The following ENOX1 variants were observed in gnomAD, a reference collection of about 807,000 sequenced individuals.
ENOX1 encodes the protein candidate growth-related and time keeping constitutive hydroquinone (NADH) oxidase.
ENOX1 carries 42 observed loss-of-function variants against 82.5 expected under a neutral mutation model. That is an observed-to-expected ratio of 0.51 (90% CI 0.40 to 0.66). The LOEUF (loss-of-function observed/expected upper bound fraction) is 0.66, where lower values mean the gene tolerates loss of function less well. ENOX1 is among the 30% of genes least tolerant of loss of function. The pLI is 0.00. For missense variants in ENOX1, 608 were observed against 811.6 expected (o/e 0.75, Z 3.05); for synonymous variants, 271 against 282.2 (o/e 0.96, Z 0.40).
intron 2 of ENOX1, among the ~76,000 whole-genome samples, chr13:43,567,994 T>C (rs1057084248): frequency 6.6e-6 from 1 of 152,226 alleles, no homozygotes; most frequent in Non-Finnish European, 1.5e-5. Context: ...CATTTATAGA[T>C]GTTTACTTTG....
intron 5 of ENOX1, among the ~76,000 whole-genome samples, chr13:43,365,842 T>C (rs2050813462): frequency 6.6e-6 from 1 of 152,200 alleles, no homozygotes; most frequent in African/African-American, 2.4e-5. Context: ...TGACGCCAGA[T>C]GGACCCTCAA....
chr13:43,538,395 G>T (rs2078559944), intron 2 of ENOX1, among the ~76,000 whole-genome samples: 1 of 152,106 alleles, frequency 6.6e-6, no homozygotes, highest in Admixed American at 6.5e-5. Context: ...TTTGGGGTGG[G>T]TTAAATAACA....
At chr13:43,366,697 G>A (rs567677443) in intron 5 of ENOX1, among the ~76,000 whole-genome samples, 1 of 152,286 alleles carries the variant, frequency 6.6e-6, no homozygotes, top group Admixed American at 6.5e-5. Context: ...GGTGAAGGCA[G>A]TATATCAAAG....
chr13:43,634,772 G>C (rs1463851885), intron 2 of ENOX1, among the ~76,000 whole-genome samples: 1 of 152,190 alleles, frequency 6.6e-6, no homozygotes, highest in Admixed American at 6.5e-5. Flanking sequence ...GGCTGCCTCA[G>C]GGTCTATCAG....
intron 1 of ENOX1, among the ~76,000 whole-genome samples, chr13:43,705,980 G>A (rs1419623561): frequency 6.6e-6 from 1 of 151,902 alleles, no homozygotes; most frequent in Non-Finnish European, 1.5e-5. Context: ...TGTCTACAAA[G>A]TATTTAATAA....
rs529509813 is a variant in ENOX1 at position 43,411,860 on chromosome 13, T to C, written c.208+56A>G. ...GTACAGAGAGATTACCAGGCACCTG[T>C]CACCTACACCCTTCGGCACTGCTGC... On this transcript the variant is annotated intron_variant, in intron 5 of 16. Coordinates refer to ENST00000690772, the MANE Select transcript of ENOX1 (RefSeq NM_001347969.2). 4,558 of 1,596,938 alleles carry C rather than the reference T, an allele frequency of 2.9e-3. 14 individuals carry two copies. The highest frequency in any genetic ancestry group is 3.4e-3 in the Middle Eastern group (20 of 5,868).
At position 43,325,369 on chromosome 13, in the gene ENOX1, C is replaced by T. The variant is rs146745169; in HGVS notation, c.1143+1050G>A. Among the ~76,000 whole-genome samples the T allele has an allele frequency of 7.9e-5, 12 of 152,246 alleles. No individual in the cohort carries two copies. In the East Asian group the frequency reaches 1.9e-3, roughly 24 times the overall value. On this transcript the variant is annotated intron_variant, in intron 10 of 16. Transcript: ENST00000690772. The stretch of plus-strand genomic sequence containing the variant: ...AGTGTCACATTATTGTGAAGTCATT[C>T]GGTATTCACCATAATAACAGTGATA...
At chr13:43,325,384 T>TA (rs1446233570) in intron 10 of ENOX1, among the ~76,000 whole-genome samples, 2 of 152,216 alleles carry the variant, frequency 1.3e-5, no homozygotes, top group African/African-American at 4.8e-5. Context: ...TTCACCATAA[T>TA]AACAGTGATA....
At chr13:43,557,982 T>A (rs1401740487) in intron 2 of ENOX1, among the ~76,000 whole-genome samples, 1 of 152,134 alleles carries the variant, frequency 6.6e-6, no homozygotes, top group African/African-American at 2.4e-5. Context: ...CTTAAGAAGT[T>A]TAAGCAAATC....
intron 5 of ENOX1, among the ~76,000 whole-genome samples, chr13:43,386,398 T>TA (rs1044221855): frequency 6.6e-6 from 1 of 152,188 alleles, no homozygotes; most frequent in Non-Finnish European, 1.5e-5. Flanking sequence ...TTTAACTTTG[T>TA]ATAGAATGAT....
At chr13:43,491,947 ACCAAAAC>A (rs1339576228) in intron 2 of ENOX1, among the ~76,000 whole-genome samples, 1 of 152,190 alleles carries the variant, frequency 6.6e-6, no homozygotes, top group Non-Finnish European at 1.5e-5. Flanking sequence ...ACTATTTCTG[ACCAAAAC>A]CCTTGGATCC....
At chr13:43,693,716 C>T (rs1010039780) in intron 1 of ENOX1, among the ~76,000 whole-genome samples, 1 of 152,086 alleles carries the variant, frequency 6.6e-6, no homozygotes, top group Non-Finnish European at 1.5e-5. Context: ...CACAGGTTAC[C>T]AGGACATGTT....
intron 3 of ENOX1, among the ~76,000 whole-genome samples, chr13:43,429,676 G>A (rs554098149): frequency 1.3e-5 from 2 of 152,214 alleles, no homozygotes; most frequent in South Asian, 2.1e-4. Flanking sequence ...CCAAATAGAT[G>A]AGCAGGCCAT....
At chr13:43,336,556 G>C (rs576945812) in intron 9 of ENOX1, among the ~76,000 whole-genome samples, 1 of 152,336 alleles carries the variant, frequency 6.6e-6, no homozygotes, top group South Asian at 2.1e-4. Flanking sequence ...AATTCACAGT[G>C]TAGCCCAGGA....
chr13:43,571,994 G>A (rs2080205816), intron 2 of ENOX1, among the ~76,000 whole-genome samples: 1 of 152,002 alleles, frequency 6.6e-6, no homozygotes, highest in South Asian at 2.1e-4. Flanking sequence ...TGAGCAGAAA[G>A]GTCTCCTAGG....
chr13:43,449,238 G>T (rs969883601), intron 3 of ENOX1, among the ~76,000 whole-genome samples: 2 of 152,152 alleles, frequency 1.3e-5, no homozygotes, highest in African/African-American at 4.8e-5. Context: ...CTGTTTTCCA[G>T]TGTGAGACTC....
intron 5 of ENOX1, among the ~76,000 whole-genome samples, chr13:43,367,159 A>G (rs1446660260): frequency 2.0e-5 from 3 of 152,222 alleles, no homozygotes; most frequent in Non-Finnish European, 4.4e-5. Flanking sequence ...CTTAGCAGAA[A>G]ATACCAATAC....
intron 3 of ENOX1, among the ~76,000 whole-genome samples, chr13:43,440,840 A>T (rs1359027769): frequency 6.6e-6 from 1 of 152,230 alleles, no homozygotes; most frequent in African/African-American, 2.4e-5. Flanking sequence ...ATTAATGATA[A>T]ATTTGGCTAA....
chr13:43,467,511 AAAATTTTAAAATTTT>A (rs1233962382), intron 3 of ENOX1, among the ~76,000 whole-genome samples: 4 of 131,414 alleles, frequency 3.0e-5, no homozygotes, highest in Non-Finnish European at 5.1e-5. Flanking sequence ...ATGTTATTTT[AAAATTTTAAAATTTT>A]AAATTTTAAA....
Sources: allele counts gnomAD v4.1 joint callset (sites outside exome capture counted in the v4.1 genomes callset), GRCh38; gene constraint gnomAD v4.1.1; transcripts MANE v1.5; gene names NCBI Gene and HGNC (gene_info 2026-07-23, HGNC 2026-07-21).